Variants in DNMT1 observed in about 807,000 individuals in gnomAD.
DNMT1 encodes the protein DNA methyltransferase 1, also known as DNA (cytosine-5)-methyltransferase 1.
DNMT1 carries 24 observed loss-of-function variants against 205.3 expected under a neutral mutation model. The ratio of observed to expected loss-of-function variants is 0.12; its 90% CI spans 0.08 to 0.16. DNMT1 has a LOEUF of 0.16. DNMT1 is among the 10% of genes least tolerant of loss of function. The probability of loss-of-function intolerance (pLI) is 1.00; values close to 1 mark genes in which losing one functional copy is unlikely to be tolerated. For synonymous variants in DNMT1, 817 were observed against 839.8 expected, an observed-to-expected ratio of 0.97 and a Z score of 0.47; for missense variants, 1,293 against 2,177.7, an observed-to-expected ratio of 0.59 and a Z score of 8.09.
chr19:10,163,115 C>G, intron 12 of DNMT1: 1 of 627,044 alleles, frequency 1.6e-6, no homozygotes, highest in South Asian at 1.8e-5. Flanking sequence ...GCACCCGCCA[C>G]CACACCCAGC....
chr19:10,148,164 T>C (rs1244477575), intron 27 of DNMT1, among the ~76,000 whole-genome samples: 1 of 101,054 alleles, frequency 9.9e-6, no homozygotes, highest in Non-Finnish European at 2.2e-5. Context: ...TAAAATAAAA[T>C]AAAAAATAAA....
chr19:10,192,513 A>G (rs933655246), intron 1 of DNMT1, among the ~76,000 whole-genome samples: 3 of 151,730 alleles, frequency 2.0e-5, no homozygotes, highest in Non-Finnish European at 2.9e-5. Context: ...CGTAATCCCA[A>G]CACTTTGGGA....
rs755140196 is a variant in DNMT1 at position 10,142,217 on chromosome 19, A to G, written c.3120T>C (p.Pro1040=). Reference sequence around the variant, plus strand: ...CTGGAGTGGACTTGTGGGTGTTCTCAGGCCTGCGAGCGGGAGAGGCCTCGT... The same window carrying G: ...CTGGAGTGGACTTGTGGGTGTTCTCGGGCCTGCGAGCGGGAGAGGCCTCGT... ...IKIRVNKFYR[P]ENTHKSTPAS... is the part of the protein sequence containing the mutation. Residue 1040 remains proline, a synonymous_variant, in exon 30 of 41, where the codon CCT becomes CCC. Transcript: ENST00000359526. The G allele has an allele frequency of 6.2e-6, 10 of 1,613,894 alleles. No individual in the cohort carries two copies. The South Asian group carries it at 9.9e-5, about 16-fold the overall frequency.
intron 9 of DNMT1, among the ~76,000 whole-genome samples, chr19:10,170,940 C>T (rs1169109975): frequency 2.0e-5 from 3 of 152,056 alleles, no homozygotes; most frequent in African/African-American, 7.2e-5. Flanking sequence ...ACTACAGGCA[C>T]ACTGCCTGTT....
intron 1 of DNMT1, chr19:10,184,274 G>C (rs528107412): frequency 6.6e-6 from 1 of 152,364 alleles, no homozygotes; most frequent in South Asian, 2.1e-4. Flanking sequence ...GTGGCATTTT[G>C]AGGATGAAAT....
At position 10,137,344 on chromosome 19, in the gene DNMT1, G is replaced by T; in HGVS notation, c.4294-64C>A. The T allele has an allele frequency of 5.9e-6, 9 of 1,532,870 alleles. No individual in the cohort carries two copies. Among genetic ancestry groups the T allele is most frequent in the Non-Finnish European group, 7.9e-6 (9 of 1,136,756 alleles). The allele number at this position is 1,532,870 out of a possible 1,614,324, so 95.0% of individuals were successfully genotyped here. On this transcript the variant is annotated intron_variant, in intron 36 of 40. Coordinates refer to ENST00000359526, the MANE Select transcript of DNMT1 (RefSeq NM_001130823.3). The surrounding 1 kb of genome is among the most constrained non-coding windows in gnomAD (Gnocchi z 6.4). ...AGCAGCATCCGAGCATCCATGGTGGGCTGGGAGCTGGGAACACCATGGTGA... is the reference window on the plus strand; with the variant it reads ...AGCAGCATCCGAGCATCCATGGTGGTCTGGGAGCTGGGAACACCATGGTGA...
intron 27 of DNMT1, 110 bp downstream of exon 27, chr19:10,148,774 C>T (rs2145290891): frequency 6.3e-7 from 1 of 1,592,272 alleles, no homozygotes; most frequent in African/African-American, 1.3e-5. Context: ...GAGCAAGAGA[C>T]ACAAACTGGG....
rs2089433267 is a variant in DNMT1, at chr19:10,134,234, G to T, written c.4847C>A (p.Ala1616Asp). The change falls in exon 40 of 41, where the codon GCC (alanine) becomes GAC (aspartate). Residue 1616 changes from alanine (A) to aspartate (D), a missense_variant. By Grantham distance (126) the Ala-to-Asp change is moderately radical. Coordinates refer to ENST00000359526, the MANE Select transcript of DNMT1 (RefSeq NM_001130823.3). Reference sequence around the variant, plus strand: ...CACCATACCTGAGGCACTCTCTCGGGCTTTGGCCAACATACAAAGCTTGAT... The same window carrying T: ...CACCATACCTGAGGCACTCTCTCGGTCTTTGGCCAACATACAAAGCTTGAT... The part of the protein sequence containing the change: ...LEIKLCMLAK[A>D]RESASAKIKE... The T allele has an allele frequency of 6.2e-7, 1 of 1,614,088 alleles. No individual in the cohort carries two copies. The highest frequency in any genetic ancestry group is 1.3e-5 in the African/African-American group (1 of 74,954).
chr19:10,144,538 C>T, intron 28 of DNMT1: 2 of 175,136 alleles, frequency 1.1e-5, no homozygotes, highest in South Asian at 2.6e-4. Flanking sequence ...TGCCTCCCGA[C>T]TACTTGGCAT....
In DNMT1 at chr19:10,137,752, A is replaced by G; in HGVS notation, c.4293+80T>C. 3 of 1,548,048 alleles carry G rather than the reference A, an allele frequency of 1.9e-6. No individual in the cohort carries two copies. Among genetic ancestry groups the G allele is most frequent in the Non-Finnish European group, 2.6e-6 (3 of 1,139,870 alleles). ...GGGATCAGATTCCATGTCTCCCCTG[A>G]GTCTTGGGCAGGCTGACTGTTCCCA... is the stretch of plus-strand genomic sequence containing the variant. On this transcript the variant is annotated intron_variant, in intron 36 of 40. Coordinates refer to ENST00000359526, the MANE Select transcript of DNMT1 (RefSeq NM_001130823.3). The surrounding 1 kb of genome is among the most constrained non-coding windows in gnomAD (Gnocchi z 6.4).
intron 27 of DNMT1, among the ~76,000 whole-genome samples, chr19:10,147,373 G>A (rs2038223378): frequency 6.6e-6 from 1 of 152,074 alleles, no homozygotes; most frequent in Non-Finnish European, 1.5e-5. Flanking sequence ...CACTTTAGGA[G>A]CCTGAAGGGA....
chr19:10,173,049 T>G (rs752835500), intron 9 of DNMT1, 41 bp downstream of exon 9: 2 of 1,611,168 alleles, frequency 1.2e-6, no homozygotes, highest in South Asian at 2.2e-5. Flanking sequence ...CCATATAGGA[T>G]TAAGGGAGAA....
chr19:10,157,977 C>T (rs2038491897), intron 17 of DNMT1, among the ~76,000 whole-genome samples: 1 of 152,254 alleles, frequency 6.6e-6, no homozygotes, highest in African/African-American at 2.4e-5. Flanking sequence ...AAGCCAAGTA[C>T]AGCAGTATGG....
At chr19:10,190,522 C>T (rs556321865) in intron 1 of DNMT1, among the ~76,000 whole-genome samples, 44 of 152,016 alleles carry the variant, frequency 2.9e-4, no homozygotes, top group Admixed American at 2.1e-3. Context: ...CAACACTTTG[C>T]GGGGCTGAGG....
Position 10,154,654 on chromosome 19 carries a change from C to G in DNMT1, c.1764G>C (p.Glu588Asp), listed in dbSNP as rs758553732. ...ESYDEAGDSDEQPIFLTPCMR... is the reference protein window; with the variant it reads ...ESYDEAGDSDDQPIFLTPCMR... ...TGCAGGGTGTCAGGAAGATGGGCTGCTCATCACTGTCCCCGGCCTCGTCAT... is the reference window on the plus strand; with the variant it reads ...TGCAGGGTGTCAGGAAGATGGGCTGGTCATCACTGTCCCCGGCCTCGTCAT... The change falls in exon 21 of 41, where the codon GAG becomes GAC. Residue 588 changes from glutamate (E) to aspartate (D), a missense_variant. By Grantham distance (45) the Glu-to-Asp change is conservative. Transcript: ENST00000359526. This position sits in a 1 kb window ranked among gnomAD's most constrained non-coding sequence, Gnocchi z 6.3. 1 of 1,614,100 alleles carries G rather than the reference C, an allele frequency of 6.2e-7. No individual in the cohort carries two copies. The highest frequency in any genetic ancestry group is 8.5e-7 in the Non-Finnish European group (1 of 1,179,966).
chr19:10,155,814 T>C (rs1309674115), intron 19 of DNMT1, 39 bp downstream of exon 19: 1 of 1,595,936 alleles, frequency 6.3e-7, no homozygotes, highest in Admixed American at 1.8e-5. Context: ...GAAGGCCCCT[T>C]TCAGACCCCG....
intron 9 of DNMT1, among the ~76,000 whole-genome samples, chr19:10,171,015 C>T (rs1455511484): frequency 6.6e-6 from 1 of 152,038 alleles, no homozygotes; most frequent in Non-Finnish European, 1.5e-5. Context: ...ACTACATTGC[C>T]CAGGCTGGCC....
At chr19:10,160,321 G>A in intron 14 of DNMT1, 63 bp downstream of exon 14, 3 of 1,608,358 alleles carry the variant, frequency 1.9e-6, no homozygotes, top group Non-Finnish European at 1.7e-6. Context: ...CTTCCCTTTT[G>A]TTCTAGAACC....
In DNMT1 at chr19:10,154,595, A is replaced by T; in HGVS notation, c.1823T>A (p.Leu608Gln). ...CCTGCCGCATCCTTACCTCTGTCCC[A>T]GCGTGACCCCAGCCAGCTTGATCAG... ...RDLIKLAGVT[L>Q]GQRRAQARRQ... Residue 608 changes from leucine (L) to glutamine (Q), a missense_variant, in exon 21 of 41, where the codon CTG becomes CAG. Around this residue, in one of 13 missense-constraint regions of DNMT1, gnomAD observed 197 missense variants for 353.6 expected, o/e 0.56. Transcript: ENST00000359526. The surrounding 1 kb of genome is among the most constrained non-coding windows in gnomAD (Gnocchi z 6.3). 6.2e-7 allele frequency: 1 copy of T among 1,613,948 alleles called. No individual in the cohort carries two copies. Among genetic ancestry groups the T allele is most frequent in the Admixed American group, 1.7e-5 (1 of 60,016 alleles).
Sources: gnomAD v4.1 joint callset for allele counts (sites outside exome capture counted in the v4.1 genomes callset) on GRCh38, gnomAD v4.1.1 for gene constraint, gnomAD v4.1.1 regional missense constraint, Gnocchi (gnomAD v3.1) non-coding constraint, MANE v1.5 for transcripts, NCBI Gene and HGNC (gene_info 2026-07-23, HGNC 2026-07-21) for gene names.